The following ADARB1 variants were observed in gnomAD, a reference collection of about 807,000 sequenced individuals.
ADARB1 encodes double-stranded RNA-specific editase 1.
In ADARB1, 10 loss-of-function variants were observed where a neutral mutation model predicts 52.4. The ratio of observed to expected loss-of-function variants is 0.19; its 90% CI spans 0.12 to 0.32. The LOEUF (loss-of-function observed/expected upper bound fraction) is 0.32. ADARB1 is among the 10% of genes least tolerant of loss of function. The pLI, the probability that ADARB1 is intolerant of heterozygous loss-of-function variation, is 1.00. For missense variants in ADARB1, 643 were observed against 922.3 expected (o/e 0.70, Z 3.92); for synonymous variants, 349 against 371.1 (o/e 0.94, Z 0.68).
chr21:45,137,886 A>C (rs2089482352), intron 2 of ADARB1, among the ~76,000 whole-genome samples: 2 of 151,970 alleles, frequency 1.3e-5, no homozygotes, highest in South Asian at 4.2e-4. Context: ...GGGGCTCTGG[A>C]TATGACTCCA....
intron 1 of ADARB1, among the ~76,000 whole-genome samples, chr21:45,082,717 A>G (rs1025626620): frequency 3.9e-5 from 6 of 152,204 alleles, no homozygotes; most frequent in African/African-American, 1.2e-4. Flanking sequence ...TTTAATCCTC[A>G]TGATGATCTT....
chr21:45,122,541 G>A (rs988989992), intron 1 of ADARB1, among the ~76,000 whole-genome samples: 27 of 152,160 alleles, frequency 1.8e-4, no homozygotes, highest in African/African-American at 5.8e-4. Flanking sequence ...GATTTCCTGC[G>A]ACTAGGAGCA....
In ADARB1 at chr21:45,108,055, C is replaced by CA. The variant is rs1006064790; in HGVS notation, c.-219-20338dup. Among the ~76,000 whole-genome samples, 15 of 149,502 alleles carry CA rather than the reference C, an allele frequency of 1.0e-4. 1 individual carries two copies. Among genetic ancestry groups the CA allele is most frequent in the Admixed American group, 1.3e-4 (2 of 15,046 alleles). On this transcript the variant is annotated intron_variant, in intron 1 of 10. Transcript: ENST00000348831. ...TCGGTGACAGAGCGAGACCCTGTCT[C>CA]AAAAAAAAAGTAACAACTTTGCCTG...
chr21:45,204,844 G>A lies in ADARB1; in HGVS notation c.1747+108G>A. On this transcript the variant is annotated intron_variant, in intron 9 of 10. Coordinates refer to ENST00000348831, the MANE Select transcript of ADARB1 (RefSeq NM_001112.4). The surrounding 1 kb of genome is among the most constrained non-coding windows in gnomAD (Gnocchi z 4.4). ...CTGAGCTGCTCTGTGGCTATCAAAA[G>A]AACATCAGAGTCCTTCTAAAGAGAC... is the stretch of plus-strand genomic sequence containing the variant. 1.7e-6 allele frequency: 2 copies of A among 1,205,912 alleles called. No homozygotes were observed. The allele number at this position is 1,205,912 out of a possible 1,614,324, so 74.7% of individuals were successfully genotyped here.
At position 45,142,958 on chromosome 21, in the gene ADARB1, G is replaced by A. The variant is rs1419106740; in HGVS notation, c.-48+14385G>A. Among the ~76,000 whole-genome samples, 1 of 152,150 alleles carries A rather than the reference G, an allele frequency of 6.6e-6. No homozygotes were observed. Among genetic ancestry groups the A allele is most frequent in the Non-Finnish European group, 1.5e-5 (1 of 68,038 alleles). On this transcript the variant is annotated intron_variant, in intron 2 of 10. Transcript: ENST00000348831. This position sits in a 1 kb window ranked among gnomAD's most constrained non-coding sequence, Gnocchi z 4.0. ...CAGCTGTGCAGCCTCCACCCACAAAGGCCAAAGCTCCAATGGCATCTGCGA... is the reference window on the plus strand; with the variant it reads ...CAGCTGTGCAGCCTCCACCCACAAAAGCCAAAGCTCCAATGGCATCTGCGA...
chr21:45,204,467 T>C lies in ADARB1; in HGVS notation c.1566-88T>C. On this transcript the variant is annotated intron_variant, in intron 8 of 10. Coordinates refer to ENST00000348831, the MANE Select transcript of ADARB1 (RefSeq NM_001112.4). This position sits in a 1 kb window ranked among gnomAD's most constrained non-coding sequence, Gnocchi z 4.4. Reference sequence around the variant, plus strand: ...GGTTGGGATCCTGCGGAATTGCCAGTGCATCCCTGTAACCACGCAGGCTTG... The same window carrying C: ...GGTTGGGATCCTGCGGAATTGCCAGCGCATCCCTGTAACCACGCAGGCTTG... 7.5e-7 allele frequency: 1 copy of C among 1,332,328 alleles called. No homozygotes were observed. Among genetic ancestry groups the C allele is most frequent in the South Asian group, 1.4e-5 (1 of 73,200 alleles). 82.5% of individuals were successfully genotyped at this position (1,332,328 alleles called of 1,614,324 possible). A position where few individuals can be genotyped will look rare whatever the true frequency, so the allele number is the denominator to read the frequency against.
At chr21:45,161,007 A>G (rs1483727120) in intron 2 of ADARB1, among the ~76,000 whole-genome samples, 15 of 152,254 alleles carry the variant, frequency 9.9e-5, no homozygotes. Context: ...TTATACTGCA[A>G]ATAACTTGGC....
At chr21:45,116,353 T>C (rs1367122020) in intron 1 of ADARB1, among the ~76,000 whole-genome samples, 2 of 152,274 alleles carry the variant, frequency 1.3e-5, no homozygotes, top group Non-Finnish European at 2.9e-5. Context: ...GAGAAAACTC[T>C]ACATTGCCAA....
intron 1 of ADARB1, among the ~76,000 whole-genome samples, chr21:45,107,568 G>C (rs895874954): frequency 1.3e-5 from 2 of 152,188 alleles, no homozygotes; most frequent in Non-Finnish European, 2.9e-5. Flanking sequence ...ATATGATAAA[G>C]ATAGTATCTC....
At chr21:45,085,828 A>G (rs990255638) in intron 1 of ADARB1, among the ~76,000 whole-genome samples, 9 of 152,254 alleles carry the variant, frequency 5.9e-5, no homozygotes, top group African/African-American at 2.2e-4. Flanking sequence ...GGCTGGTGTC[A>G]CATGAACCTA....
At chr21:45,076,264 G>A (rs939486873) in intron 1 of ADARB1, among the ~76,000 whole-genome samples, 1 of 152,210 alleles carries the variant, frequency 6.6e-6, no homozygotes, top group Non-Finnish European at 1.5e-5. Context: ...CTCTCATTGC[G>A]CGGTTCCTCC....
intron 2 of ADARB1, among the ~76,000 whole-genome samples, chr21:45,133,161 G>A (rs1480123888): frequency 2.0e-5 from 3 of 152,240 alleles, no homozygotes; most frequent in Non-Finnish European, 4.4e-5. Flanking sequence ...CCCTGATTCT[G>A]TTCCTTGAAG....
In ADARB1 at chr21:45,189,543, T is replaced by C. The variant is rs547876856; in HGVS notation, c.1565+4452T>C. Among the ~76,000 whole-genome samples the C allele has an allele frequency of 5.9e-5, 9 of 152,306 alleles. No individual in the cohort carries two copies. The South Asian group carries it at 1.9e-3, about 32-fold the overall frequency. Reference sequence around the variant, plus strand: ...CTCCCTTTACAGGAGAACCTTATTTTTCCATACAGCTTAATGTTGCTATTT... The same window carrying C: ...CTCCCTTTACAGGAGAACCTTATTTCTCCATACAGCTTAATGTTGCTATTT... On this transcript the variant is annotated intron_variant, in intron 8 of 10. Coordinates refer to ENST00000348831, the MANE Select transcript of ADARB1 (RefSeq NM_001112.4).
At chr21:45,165,768 A>G (rs1016324953) in intron 2 of ADARB1, among the ~76,000 whole-genome samples, 10 of 151,808 alleles carry the variant, frequency 6.6e-5, no homozygotes. Context: ...TAGCTTTGGA[A>G]TGCTGCTTGA....
intron 8 of ADARB1, among the ~76,000 whole-genome samples, chr21:45,196,737 A>G (rs1569153665): frequency 6.6e-6 from 1 of 152,250 alleles, no homozygotes; most frequent in East Asian, 1.9e-4. Context: ...AAGCTGGTCA[A>G]CACCATTAGT....
At chr21:45,195,564 T>C (rs192139326) in intron 8 of ADARB1, among the ~76,000 whole-genome samples, 2 of 152,270 alleles carry the variant, frequency 1.3e-5, no homozygotes, top group Non-Finnish European at 1.5e-5. Context: ...GTGACCTACT[T>C]TGAGTTAATT....
At chr21:45,209,166 C>T (rs1416395780) in intron 9 of ADARB1, among the ~76,000 whole-genome samples, 1 of 152,192 alleles carries the variant, frequency 6.6e-6, no homozygotes, top group East Asian at 1.9e-4. Flanking sequence ...TTTTATTCCA[C>T]ACTCTTCCCA....
chr21:45,225,465 T>G lies in ADARB1; in HGVS notation c.*3268T>G. 1.5e-6 allele frequency: 2 copies of G among 1,310,014 alleles called. No individual in the cohort carries two copies. The highest frequency in any genetic ancestry group is 2.0e-6 in the Non-Finnish European group (2 of 1,021,428). The allele number at this position is 1,310,014 out of a possible 1,614,324, so 81.1% of individuals were successfully genotyped here. On this transcript the variant is annotated 3_prime_UTR_variant, in exon 11 of 11. Transcript: ENST00000348831. Reference sequence around the variant, plus strand: ...GGATTTCTGTGGAATTTATTTTTATTCAAATAACCATATTTATCTCCAGGC... The same window carrying G: ...GGATTTCTGTGGAATTTATTTTTATGCAAATAACCATATTTATCTCCAGGC...
Position 45,207,782 on chromosome 21 carries a change from T to C in ADARB1, c.1747+3046T>C, listed in dbSNP as rs1374219205. Among the ~76,000 whole-genome samples, 4 of 152,180 alleles carry C rather than the reference T, an allele frequency of 2.6e-5. 1 individual carries two copies. Among genetic ancestry groups the C allele is most frequent in the African/African-American group, 9.7e-5 (4 of 41,434 alleles). ...GCGCGGTATGACAGCGCCTAGTGAA[T>C]TGTAGTGTCTTTAGGGAGGAACAAA... On this transcript the variant is annotated intron_variant, in intron 9 of 10. Coordinates refer to ENST00000348831, the MANE Select transcript of ADARB1 (RefSeq NM_001112.4).
Sources: allele counts gnomAD v4.1 joint callset (sites outside exome capture counted in the v4.1 genomes callset), GRCh38; gene constraint gnomAD v4.1.1; non-coding constraint Gnocchi (gnomAD v3.1); transcripts MANE v1.5; gene names NCBI Gene and HGNC (gene_info 2026-07-23, HGNC 2026-07-21).